Variants in JARID2 observed in about 807,000 individuals in gnomAD.
JARID2 encodes protein Jumonji.
In JARID2, 21 loss-of-function variants were observed where a neutral mutation model predicts 125.6. The observed-to-expected ratio is 0.17, with a 90% CI of 0.12 to 0.24. JARID2 has a LOEUF of 0.24. Ranked by LOEUF, JARID2 falls within the 10% of genes least tolerant of loss-of-function variation. The pLI, the probability that JARID2 is intolerant of heterozygous loss-of-function variation, is 1.00. For missense variants in JARID2, 1,303 were observed against 1,639.6 expected (o/e 0.79, Z 3.55); for synonymous variants, 736 against 661.6 (o/e 1.11, Z -1.73).
In JARID2 at chr6:15,421,271, G is replaced by A. The variant is rs6918409; in HGVS notation, c.323+10906G>A. Among the ~76,000 whole-genome samples, 1,097 of 152,198 alleles carry A rather than the reference G, an allele frequency of 7.2e-3. 14 individuals are homozygous for A. The highest frequency in any genetic ancestry group is 0.025 in the African/African-American group (1,043 of 41,508). On this transcript the variant is annotated intron_variant, in intron 3 of 17. Coordinates refer to ENST00000341776, the MANE Select transcript of JARID2 (RefSeq NM_004973.4). ...TTTAGTTCTTTCAGACAGGCAAGAG[G>A]TATAAATCCTGTCTAGCTTCACTAA...
intron 1 of JARID2, among the ~76,000 whole-genome samples, chr6:15,272,006 C>A (rs1022583586): frequency 6.6e-6 from 1 of 151,728 alleles, no homozygotes; most frequent in African/African-American, 2.4e-5. Context: ...GCCTGTAGTC[C>A]CACCTACTCA....
At chr6:15,306,657 A>G (rs987184036) in intron 1 of JARID2, among the ~76,000 whole-genome samples, 3 of 151,878 alleles carry the variant, frequency 2.0e-5, no homozygotes, top group African/African-American at 7.3e-5. Flanking sequence ...CACATTTCAT[A>G]AGGATCATAC....
chr6:15,332,847 T>C (rs1561797369), intron 1 of JARID2, among the ~76,000 whole-genome samples: 1 of 152,202 alleles, frequency 6.6e-6, no homozygotes, highest in Non-Finnish European at 1.5e-5. Flanking sequence ...GTTCTTCCCG[T>C]ATTCTTCTGT....
intron 2 of JARID2, among the ~76,000 whole-genome samples, chr6:15,392,060 G>T (rs951715866): frequency 9.8e-6 from 1 of 101,866 alleles, no homozygotes; most frequent in African/African-American, 3.5e-5. Flanking sequence ...GTGTGTGTGT[G>T]TGTGTGTGTG....
At chr6:15,495,081 A>G (rs1259221381) in intron 6 of JARID2, among the ~76,000 whole-genome samples, 1 of 152,196 alleles carries the variant, frequency 6.6e-6, no homozygotes, top group Admixed American at 6.5e-5. Flanking sequence ...GTAATGCCCA[A>G]GGTGTTAAGT....
intron 1 of JARID2, among the ~76,000 whole-genome samples, chr6:15,276,486 T>G (rs1031419152): frequency 6.6e-6 from 1 of 152,184 alleles, no homozygotes; most frequent in African/African-American, 2.4e-5. Context: ...GGTCTGGGGT[T>G]GGTAGGCTGT....
chr6:15,365,416 A>G (rs1056735906), intron 1 of JARID2, among the ~76,000 whole-genome samples: 3 of 152,178 alleles, frequency 2.0e-5, no homozygotes, highest in Non-Finnish European at 4.4e-5. Flanking sequence ...CCCTTTAACC[A>G]TGAGCGTGCG....
At chr6:15,390,641 C>T (rs941653290) in intron 2 of JARID2, among the ~76,000 whole-genome samples, 12 of 152,150 alleles carry the variant, frequency 7.9e-5, no homozygotes, top group Non-Finnish European at 1.3e-4. Context: ...CAGGTCATCT[C>T]TGGGAACGCA....
At chr6:15,275,143 G>GT (rs1182335406) in intron 1 of JARID2, among the ~76,000 whole-genome samples, 6 of 152,180 alleles carry the variant, frequency 3.9e-5, no homozygotes, top group Non-Finnish European at 7.3e-5. Context: ...AGAGCTGTTT[G>GT]ATCTCTCCTT....
chr6:15,369,896 C>T (rs553258753), intron 1 of JARID2, among the ~76,000 whole-genome samples: 10 of 152,174 alleles, frequency 6.6e-5, no homozygotes, highest in Non-Finnish European at 1.5e-4. Context: ...GGCTGAGGAA[C>T]GAGTGGTAGC....
chr6:15,373,158 G>C (rs1764233836), intron 1 of JARID2, among the ~76,000 whole-genome samples: 1 of 152,150 alleles, frequency 6.6e-6, no homozygotes, highest in African/African-American at 2.4e-5. Flanking sequence ...AAAAACTATA[G>C]TGACTTAATC....
At chr6:15,433,592 G>A (rs967219075) in intron 3 of JARID2, among the ~76,000 whole-genome samples, 2 of 152,072 alleles carry the variant, frequency 1.3e-5, no homozygotes, top group East Asian at 3.9e-4. Context: ...TGTATTAGGC[G>A]GTCATATGCT....
intron 1 of JARID2, among the ~76,000 whole-genome samples, chr6:15,342,083 T>A (rs1581433325): frequency 3.9e-5 from 6 of 152,226 alleles, no homozygotes; most frequent in Admixed American, 3.9e-4. Context: ...TTTCTTTTTC[T>A]TCACCAAGTT....
chr6:15,427,141 AG>A (rs922761269), intron 3 of JARID2, among the ~76,000 whole-genome samples: 9 of 152,162 alleles, frequency 5.9e-5, no homozygotes, highest in Non-Finnish European at 1.3e-4. Context: ...GTCTGTCTCT[AG>A]AGAGGTCTTA....
At chr6:15,514,103 TC>T (rs912604704) in intron 16 of JARID2, among the ~76,000 whole-genome samples, 2 of 152,128 alleles carry the variant, frequency 1.3e-5, no homozygotes, top group South Asian at 2.1e-4. Context: ...AAACACCTCC[TC>T]CCCCTGCTCA....
intron 1 of JARID2, among the ~76,000 whole-genome samples, chr6:15,345,108 G>A (rs1033476766): frequency 3.9e-5 from 6 of 152,122 alleles, no homozygotes; most frequent in Non-Finnish European, 7.3e-5. Flanking sequence ...TTCCTGTGAT[G>A]TTTGTTAGAA....
At chr6:15,495,992 C>G (rs1253154073) in intron 6 of JARID2, 140 bp from the exon 7 acceptor site, 1 of 712,660 alleles carries the variant, frequency 1.4e-6, no homozygotes, top group African/African-American at 1.8e-5. Context: ...GGTATTTCCA[C>G]ATCTCTTCTT....
At chr6:15,469,292 C>G (rs1348238612) in intron 5 of JARID2, among the ~76,000 whole-genome samples, 30 of 75,228 alleles carry the variant, frequency 4.0e-4, no homozygotes, top group African/African-American at 5.6e-4. Context: ...CTGTCTCTGT[C>G]TCTCTGTCTC....
At chr6:15,271,531 C>T (rs939234293) in intron 1 of JARID2, among the ~76,000 whole-genome samples, 34 of 152,184 alleles carry the variant, frequency 2.2e-4, no homozygotes, top group Non-Finnish European at 4.3e-4. Flanking sequence ...AGATCCAGGC[C>T]TGATGTGGTG....
Sources: allele counts gnomAD v4.1 joint callset (sites outside exome capture counted in the v4.1 genomes callset), GRCh38; gene constraint gnomAD v4.1.1; transcripts MANE v1.5; gene names NCBI Gene and HGNC (gene_info 2026-07-23, HGNC 2026-07-21).